The following AKAP7 variants were observed in gnomAD, a reference collection of about 807,000 sequenced individuals.
AKAP7 encodes the protein A kinase (PRKA) anchor protein 7.
AKAP7 carries 39 observed loss-of-function variants against 39.5 expected under a neutral mutation model. That is an observed-to-expected ratio of 0.99 (90% CI 0.76 to 1.29). AKAP7 has a LOEUF of 1.29. Among genes scored for constraint, AKAP7 ranks in the 50% most tolerant of loss-of-function variants. AKAP7 has a pLI of 0.00. For synonymous variants in AKAP7, 140 were observed against 139.1 expected, an observed-to-expected ratio of 1.01 and a Z score of -0.05; for missense variants, 414 against 407.7, an observed-to-expected ratio of 1.02 and a Z score of -0.13.
intron 3 of AKAP7, among the ~76,000 whole-genome samples, chr6:131,161,457 C>T (rs1425681972): frequency 6.6e-6 from 1 of 151,348 alleles, no homozygotes; most frequent in South Asian, 2.1e-4. Flanking sequence ...CCAGCCTGGG[C>T]AACATGGCAA....
chr6:131,206,337 A>T (rs1299079721), intron 6 of AKAP7, among the ~76,000 whole-genome samples: 2 of 152,192 alleles, frequency 1.3e-5, no homozygotes, highest in Non-Finnish European at 2.9e-5. Context: ...AGAAAATGAG[A>T]GTACTTTAGA....
rs769451286 is a variant in AKAP7, at chr6:131,156,979, G to C, written c.152-3080G>C. Among the ~76,000 whole-genome samples, 349 of 152,134 alleles carry C rather than the reference G, an allele frequency of 2.3e-3. 1 individual carries two copies. The highest frequency in any genetic ancestry group is 1.8e-3 in the Non-Finnish European group (124 of 67,990). On this transcript the variant is annotated intron_variant, in intron 2 of 7. Coordinates refer to ENST00000431975, the MANE Select transcript of AKAP7 (RefSeq NM_016377.4). ...TTTAGTAGAGACGGGGTTTCACCGT[G>C]TTAGCCAGGGTGGTCTTGATCTCCT...
At position 131,188,488 on chromosome 6, in the gene AKAP7, G is replaced by A. The variant is rs559746712; in HGVS notation, c.590-10973G>A. Among the ~76,000 whole-genome samples, 30 of 151,692 alleles carry A rather than the reference G, an allele frequency of 2.0e-4. 2 individuals are homozygous for A. In the South Asian group the frequency reaches 3.7e-3, roughly 19 times the overall value. On this transcript the variant is annotated intron_variant, in intron 5 of 7. Coordinates refer to ENST00000431975, the MANE Select transcript of AKAP7 (RefSeq NM_016377.4). Reference sequence around the variant, plus strand: ...AAAGTATCTTGCAATTGGAAGACATGGAAAATACTCATGCTTGCTATTGTT... The same window carrying A: ...AAAGTATCTTGCAATTGGAAGACATAGAAAATACTCATGCTTGCTATTGTT...
At position 131,217,614 on chromosome 6, in the gene AKAP7, T is replaced by A. The variant is rs114382592; in HGVS notation, c.703-2047T>A. Among the ~76,000 whole-genome samples the A allele has an allele frequency of 7.4e-3, 1,122 of 152,282 alleles. 12 individuals are homozygous for A. The highest frequency in any genetic ancestry group is 0.026 in the African/African-American group (1,080 of 41,546). ...GAATTAATTCTGTTTCACTTGCTAGTAAAAATTAACTCCTAAAGACTCATG... is the reference window on the plus strand; with the variant it reads ...GAATTAATTCTGTTTCACTTGCTAGAAAAAATTAACTCCTAAAGACTCATG... On this transcript the variant is annotated intron_variant, in intron 6 of 7. Transcript: ENST00000431975.
intron 7 of AKAP7, among the ~76,000 whole-genome samples, chr6:131,260,316 A>C (rs1333455390): frequency 6.6e-6 from 1 of 152,074 alleles, no homozygotes; most frequent in South Asian, 2.1e-4. Flanking sequence ...TTGGGCATAT[A>C]CCCAGTAATG....
intron 7 of AKAP7, among the ~76,000 whole-genome samples, chr6:131,237,219 C>T (rs1482512416): frequency 1.3e-5 from 2 of 152,070 alleles, no homozygotes; most frequent in Admixed American, 6.6e-5. Context: ...TATTGATTTT[C>T]GTATGTTGAA....
chr6:131,222,342 C>T (rs985777881), intron 7 of AKAP7, among the ~76,000 whole-genome samples: 1 of 151,938 alleles, frequency 6.6e-6, no homozygotes, highest in Non-Finnish European at 1.5e-5. Context: ...TGGCTAACAC[C>T]GTGAAACCCT....
At chr6:131,184,391 C>T (rs7754788) in intron 5 of AKAP7, 322,162 of 662,764 alleles carry the variant, frequency 0.49, 80,235 homozygotes, top group East Asian at 0.67. Flanking sequence ...ACAGGTGGCA[C>T]CTCCAACTTC....
intron 2 of AKAP7, among the ~76,000 whole-genome samples, chr6:131,149,224 A>C (rs1374018183): frequency 6.6e-6 from 1 of 152,254 alleles, no homozygotes; most frequent in Non-Finnish European, 1.5e-5. Flanking sequence ...TTAGGGTTAT[A>C]GTTTAGAATG....
chr6:131,247,380 C>T (rs1812120657), intron 7 of AKAP7, among the ~76,000 whole-genome samples: 1 of 136,790 alleles, frequency 7.3e-6, no homozygotes, highest in African/African-American at 2.8e-5. Flanking sequence ...GGCTGGAGTG[C>T]AGTGGCATGA....
intron 2 of AKAP7, among the ~76,000 whole-genome samples, chr6:131,146,574 G>A (rs1025059248): frequency 6.6e-6 from 1 of 152,186 alleles, no homozygotes; most frequent in Non-Finnish European, 1.5e-5. Flanking sequence ...TTACTTGTGG[G>A]GAGGAAAATA....
chr6:131,136,814 T>A (rs1489745471), intron 1 of AKAP7: 1 of 981,802 alleles, frequency 1.0e-6, no homozygotes, highest in Non-Finnish European at 1.2e-6. Context: ...CTTGTTGATT[T>A]CTACGCAGCT....
chr6:131,217,421 A>G (rs1016633180), intron 6 of AKAP7, among the ~76,000 whole-genome samples: 7 of 152,146 alleles, frequency 4.6e-5, no homozygotes, highest in African/African-American at 1.7e-4. Context: ...TCTCCAGAGA[A>G]TGACGATCAT....
chr6:131,178,806 A>T (rs1433692239), intron 5 of AKAP7, among the ~76,000 whole-genome samples: 1 of 152,028 alleles, frequency 6.6e-6, no homozygotes, highest in Non-Finnish European at 1.5e-5. Flanking sequence ...TTGCGCCAAC[A>T]CCTGGGCAAA....
chr6:131,245,339 G>A (rs1180000151), intron 7 of AKAP7, among the ~76,000 whole-genome samples: 1 of 150,928 alleles, frequency 6.6e-6, no homozygotes, highest in African/African-American at 2.4e-5. Context: ...CCACCTCCCA[G>A]GTTCATGCAA....
intron 5 of AKAP7, among the ~76,000 whole-genome samples, chr6:131,198,370 G>T (rs1807167784): frequency 1.3e-5 from 2 of 152,164 alleles, no homozygotes; most frequent in African/African-American, 4.8e-5. Context: ...AGTAGTTTTT[G>T]ATTAGATGCC....
intron 5 of AKAP7, among the ~76,000 whole-genome samples, chr6:131,169,715 A>G (rs1803844506): frequency 6.6e-6 from 1 of 152,192 alleles, no homozygotes; most frequent in Non-Finnish European, 1.5e-5. Flanking sequence ...GGGAATTGGA[A>G]GCAGAAAAAA....
chr6:131,191,925 C>G (rs1806449895), intron 5 of AKAP7, among the ~76,000 whole-genome samples: 1 of 151,246 alleles, frequency 6.6e-6, no homozygotes, highest in South Asian at 2.1e-4. Flanking sequence ...CAGGTGCGCA[C>G]CACCATGCCT....
intron 7 of AKAP7, among the ~76,000 whole-genome samples, chr6:131,262,529 A>T (rs1813433496): frequency 6.6e-6 from 1 of 152,218 alleles, no homozygotes. Context: ...ACCGTATTTT[A>T]AAATGATGTA....
Sources: allele counts gnomAD v4.1 joint callset (sites outside exome capture counted in the v4.1 genomes callset), GRCh38; gene constraint gnomAD v4.1.1; transcripts MANE v1.5; gene names NCBI Gene and HGNC (gene_info 2026-07-23, HGNC 2026-07-21).